EXOC4: variants seen among roughly 807,000 people sequenced by gnomAD.
The protein encoded by EXOC4 is exocyst complex component 4.
EXOC4 carries 71 observed loss-of-function variants against 107.2 expected under a neutral mutation model. That is an observed-to-expected ratio of 0.66 (90% CI 0.55 to 0.81). The LOEUF is 0.81. Among genes scored for constraint, EXOC4 ranks in the 30% least tolerant of loss-of-function variants. The probability of loss-of-function intolerance (pLI) is 0.00; values close to 1 mark genes in which losing one functional copy is unlikely to be tolerated. For missense variants in EXOC4, 1,108 were observed against 1,189.6 expected (o/e 0.93, Z 1.01); for synonymous variants, 456 against 441.2 (o/e 1.03, Z -0.42).
chr7:133,539,074 G>A (rs371103827), intron 9 of EXOC4, among the ~76,000 whole-genome samples: 1 of 151,870 alleles, frequency 6.6e-6, no homozygotes, highest in African/African-American at 2.4e-5. Flanking sequence ...TTTTACCCAG[G>A]TGTCTTGTAC....
intron 9 of EXOC4, among the ~76,000 whole-genome samples, chr7:133,567,550 G>A (rs1202341047): frequency 6.6e-6 from 1 of 152,144 alleles, no homozygotes; most frequent in Non-Finnish European, 1.5e-5. Flanking sequence ...GGCGTTTGCA[G>A]GCCAAACCGT....
chr7:133,348,338 G>T (rs1795832372), intron 5 of EXOC4, among the ~76,000 whole-genome samples: 1 of 152,154 alleles, frequency 6.6e-6, no homozygotes, highest in Non-Finnish European at 1.5e-5. Flanking sequence ...AGTGCCGTTT[G>T]GGGCTGTGTC....
intron 9 of EXOC4, among the ~76,000 whole-genome samples, chr7:133,509,151 G>C (rs749637845): frequency 6.6e-6 from 1 of 152,100 alleles, no homozygotes; most frequent in East Asian, 1.9e-4. Flanking sequence ...CAGAGGGGCC[G>C]GGCACTGTGG....
intron 7 of EXOC4, among the ~76,000 whole-genome samples, chr7:133,380,986 A>G (rs1796607624): frequency 6.6e-6 from 1 of 151,942 alleles, no homozygotes; most frequent in African/African-American, 2.4e-5. Flanking sequence ...TTAACTATCT[A>G]CCTTTCTGCC....
intron 1 of EXOC4, among the ~76,000 whole-genome samples, chr7:133,274,251 C>T (rs1562997463): frequency 6.6e-6 from 1 of 152,176 alleles, no homozygotes; most frequent in East Asian, 1.9e-4. Flanking sequence ...TTCCAGACTG[C>T]TGGGGGCTCC....
rs1205750983 is a variant in EXOC4 at position 133,830,965 on chromosome 7, TG to T, written c.1734+13422del. Among the ~76,000 whole-genome samples, 6 of 152,006 alleles carry T rather than the reference TG, an allele frequency of 3.9e-5. No individual in the cohort carries two copies. The East Asian group carries it at 9.9e-4, about 25-fold the overall frequency. ...CTTCTGATGACCTTGACAGTTTTTT[TG>T]TTTGTTTGTTTGTTTTGAGACAGAG... On this transcript the variant is annotated intron_variant, in intron 11 of 17. Coordinates refer to ENST00000253861, the MANE Select transcript of EXOC4 (RefSeq NM_021807.4).
intron 10 of EXOC4, among the ~76,000 whole-genome samples, chr7:133,803,962 TGTTA>T (rs1386638092): frequency 3.3e-5 from 5 of 152,190 alleles, no homozygotes; most frequent in Admixed American, 6.5e-5. Context: ...TTTGGTTTAC[TGTTA>T]GTTCACTTTT....
intron 9 of EXOC4, among the ~76,000 whole-genome samples, chr7:133,487,736 C>T (rs574684801): frequency 4.6e-5 from 7 of 152,014 alleles, no homozygotes; most frequent in East Asian, 3.9e-4. Flanking sequence ...ACAAAAAAAA[C>T]GAAATTTGTG....
the EXOC4 span, among the ~76,000 whole-genome samples, chr7:134,093,020 AAC>A: frequency 6.6e-6 from 1 of 152,150 alleles, no homozygotes; most frequent in Admixed American, 6.6e-5. Flanking sequence ...ATGGAGCAAA[AAC>A]ACAATAGAAA....
chr7:133,292,663 C>T (rs1794433464), intron 3 of EXOC4, among the ~76,000 whole-genome samples: 1 of 152,146 alleles, frequency 6.6e-6, no homozygotes, highest in Admixed American at 6.5e-5. Flanking sequence ...CCCAGATATT[C>T]AGATAGCTAG....
intron 10 of EXOC4, among the ~76,000 whole-genome samples, chr7:133,726,532 T>C (rs933699504): frequency 1.3e-5 from 2 of 152,254 alleles, no homozygotes; most frequent in African/African-American, 4.8e-5. Context: ...TTTTAATATA[T>C]GACTGAGTTG....
chr7:133,634,564 A>T (rs1000136222), intron 10 of EXOC4, among the ~76,000 whole-genome samples: 1 of 151,966 alleles, frequency 6.6e-6, no homozygotes, highest in Non-Finnish European at 1.5e-5. Context: ...ATCTCGGCTC[A>T]CTGCAAACTC....
At chr7:133,863,175 T>C (rs546469375) in intron 11 of EXOC4, among the ~76,000 whole-genome samples, 4 of 152,064 alleles carry the variant, frequency 2.6e-5, no homozygotes, top group Middle Eastern at 3.4e-3. Context: ...TAATAGAAAA[T>C]CAAAACCAGA....
chr7:134,004,474 T>C (rs904152682), intron 15 of EXOC4, among the ~76,000 whole-genome samples: 1 of 152,172 alleles, frequency 6.6e-6, no homozygotes, highest in African/African-American at 2.4e-5. Flanking sequence ...ACTTTTAAGA[T>C]CTATAAACTC....
At chr7:133,969,253 A>G (rs939796455) in intron 14 of EXOC4, among the ~76,000 whole-genome samples, 2 of 152,114 alleles carry the variant, frequency 1.3e-5, no homozygotes, top group Non-Finnish European at 2.9e-5. Context: ...ACCTTTTTCA[A>G]GGTTCTTAGC....
chr7:133,701,843 T>C (rs1794662209), intron 10 of EXOC4, among the ~76,000 whole-genome samples: 1 of 152,120 alleles, frequency 6.6e-6, no homozygotes, highest in Non-Finnish European at 1.5e-5. Flanking sequence ...ATAATATTTG[T>C]GATAATTTTG....
intron 6 of EXOC4, among the ~76,000 whole-genome samples, chr7:133,359,522 C>A (rs760684160): frequency 5.9e-5 from 9 of 151,912 alleles, no homozygotes; most frequent in Non-Finnish European, 1.3e-4. Flanking sequence ...GAACAGAGAC[C>A]AAAAAATCCA....
chr7:133,626,545 T>G (rs550948331), intron 9 of EXOC4, among the ~76,000 whole-genome samples: 2 of 152,304 alleles, frequency 1.3e-5, no homozygotes, highest in African/African-American at 4.8e-5. Context: ...GGTGGAATTC[T>G]GTTTAGGTGT....
chr7:134,092,758 A>C, the EXOC4 span, among the ~76,000 whole-genome samples: 2 of 151,994 alleles, frequency 1.3e-5, no homozygotes, highest in Non-Finnish European at 2.9e-5. Flanking sequence ...CCCCATCTCT[A>C]CTAAAAATAC....
Sources: gnomAD v4.1 joint callset for allele counts (sites outside exome capture counted in the v4.1 genomes callset) on GRCh38, gnomAD v4.1.1 for gene constraint, MANE v1.5 for transcripts, NCBI Gene and HGNC (gene_info 2026-07-23, HGNC 2026-07-21) for gene names.